Variants in SGCD observed in about 807,000 individuals in gnomAD.
SGCD encodes the protein sarcoglycan delta.
Under a neutral mutation model 36.6 loss-of-function variants are expected in SGCD, and 18 were observed. That is an observed-to-expected ratio of 0.49 (90% CI 0.34 to 0.73). The LOEUF (loss-of-function observed/expected upper bound fraction) is 0.73. SGCD is among the 30% of genes least tolerant of loss of function. The pLI is 0.01. For synonymous variants in SGCD, 133 were observed against 130.6 expected, an observed-to-expected ratio of 1.02 and a Z score of -0.12; for missense variants, 387 against 346.7, an observed-to-expected ratio of 1.12 and a Z score of -0.92.
intron 3 of SGCD, among the ~76,000 whole-genome samples, chr5:156,428,433 T>C (rs1190751402): frequency 6.6e-6 from 1 of 152,166 alleles, no homozygotes; most frequent in Non-Finnish European, 1.5e-5. Context: ...CTCTTTTCTT[T>C]TTTTAGTTAA....
intron 3 of SGCD, among the ~76,000 whole-genome samples, chr5:156,257,070 C>G (rs554807478): frequency 6.6e-6 from 1 of 152,056 alleles, no homozygotes; most frequent in South Asian, 2.1e-4. Context: ...GTCCTAGCTA[C>G]TCAGGAGGCT....
At chr5:156,285,483 T>C (rs902451747) in intron 3 of SGCD, among the ~76,000 whole-genome samples, 23 of 152,016 alleles carry the variant, frequency 1.5e-4, no homozygotes, top group Middle Eastern at 3.4e-3. Flanking sequence ...GAGATATAGA[T>C]CAATGGAACA....
At chr5:156,134,823 A>G (rs1331076347) in intron 3 of SGCD, among the ~76,000 whole-genome samples, 1 of 152,194 alleles carries the variant, frequency 6.6e-6, no homozygotes, top group Non-Finnish European at 1.5e-5. Flanking sequence ...GTGCACATGT[A>G]CCCTAGAACT....
At chr5:155,868,054 ATCT>A (rs1755554759), upstream of SGCD, among the ~76,000 whole-genome samples, 1 of 151,484 alleles carries the variant, frequency 6.6e-6, no homozygotes, top group South Asian at 2.1e-4. Context: ...ACTGAAGATG[ATCT>A]TTTTTTTTTT....
intron 3 of SGCD, among the ~76,000 whole-genome samples, chr5:156,440,275 A>G (rs1753426271): frequency 6.6e-6 from 1 of 152,132 alleles, no homozygotes; most frequent in Non-Finnish European, 1.5e-5. Context: ...AACATAGCCT[A>G]ATGTTTCATC....
intron 1 of SGCD, among the ~76,000 whole-genome samples, chr5:156,054,640 GATA>G (rs1191859621): frequency 6.8e-6 from 1 of 146,510 alleles, no homozygotes; most frequent in Non-Finnish European, 1.5e-5. Context: ...CAAAAGGCCA[GATA>G]ATGTTTATTT....
chr5:155,912,826 A>G (rs1756658740), intron 1 of SGCD, among the ~76,000 whole-genome samples: 1 of 151,006 alleles, frequency 6.6e-6, no homozygotes, highest in African/African-American at 2.4e-5. Flanking sequence ...CTAAATTTAT[A>G]TTTCTAGTTT....
intron 1 of SGCD, among the ~76,000 whole-genome samples, chr5:156,328,056 A>T (rs1161913710): frequency 1.3e-5 from 2 of 152,214 alleles, no homozygotes; most frequent in African/African-American, 4.8e-5. Context: ...GTTTTATTTT[A>T]CACCTTACTG....
chr5:156,123,357 T>C lies in SGCD; in HGVS notation c.-207-499T>C, dbSNP rs373020922. ...AAATTGGGAGGTTGAAAAGATGCAA[T>C]AGAGGTAGCCAAGATGGAGTGGCCA... On this transcript the variant is annotated intron_variant, in intron 2 of 9. Transcript: ENST00000517913. 5.9e-5 allele frequency among the ~76,000 whole-genome samples: 9 copies of C among 152,060 alleles called. No homozygotes were observed. The East Asian group carries it at 1.2e-3, about 20-fold the overall frequency.
chr5:155,881,484 A>G (rs1393294662), intron 1 of SGCD, among the ~76,000 whole-genome samples: 1 of 152,186 alleles, frequency 6.6e-6, no homozygotes, highest in Admixed American at 6.5e-5. Context: ...AAAAGATGCT[A>G]CCAATCATCG....
the SGCD span, among the ~76,000 whole-genome samples, chr5:155,806,275 C>G: frequency 2.0e-5 from 3 of 152,170 alleles, no homozygotes; most frequent in African/African-American, 7.2e-5. Flanking sequence ...CTGCCTTAGC[C>G]TCCCAAGTAG....
chr5:156,515,004 G>A (rs1757097147), intron 4 of SGCD, among the ~76,000 whole-genome samples: 2 of 152,084 alleles, frequency 1.3e-5, no homozygotes, highest in Non-Finnish European at 2.9e-5. Context: ...GATTTCATCC[G>A]ATGTTTGGAC....
chr5:156,598,547 A>C (rs888820112), intron 6 of SGCD, among the ~76,000 whole-genome samples: 2 of 152,182 alleles, frequency 1.3e-5, no homozygotes, highest in South Asian at 2.1e-4. Context: ...GTCTCAAAAA[A>C]CAAAAACAAA....
chr5:156,090,600 A>G (rs960578904), intron 1 of SGCD, among the ~76,000 whole-genome samples: 1 of 152,336 alleles, frequency 6.6e-6, no homozygotes, highest in South Asian at 2.1e-4. Flanking sequence ...TTGTCTTGAT[A>G]AACATCTTAA....
chr5:156,125,069 A>G (rs1376267197), intron 3 of SGCD, among the ~76,000 whole-genome samples: 3 of 152,186 alleles, frequency 2.0e-5, no homozygotes, highest in Non-Finnish European at 4.4e-5. Flanking sequence ...CACTGGGGAA[A>G]AGATGATTTT....
chr5:155,966,467 A>G (rs1057308554), intron 1 of SGCD, among the ~76,000 whole-genome samples: 2 of 152,176 alleles, frequency 1.3e-5, no homozygotes, highest in Non-Finnish European at 2.9e-5. Flanking sequence ...ATAGCACTTC[A>G]TAAATGCTAG....
At chr5:155,985,011 C>T (rs1758302392) in intron 1 of SGCD, among the ~76,000 whole-genome samples, 1 of 152,182 alleles carries the variant, frequency 6.6e-6, no homozygotes, top group Admixed American at 6.5e-5. Flanking sequence ...AAAATAGATA[C>T]TGGGTGGATG....
rs564119059 is a variant in SGCD at position 155,883,691 on chromosome 5, A to G, written c.-282+13267A>G. Among the ~76,000 whole-genome samples, 114 of 151,124 alleles carry G rather than the reference A, an allele frequency of 7.5e-4. 1 individual carries two copies. The highest frequency in any genetic ancestry group is 8.4e-4 in the South Asian group (4 of 4,772). ...TGAAAAAGCTTGAAGTATTTTGAGC[A>G]TTATCAATATGTGACACAGATAAAT... On this transcript the variant is annotated intron_variant, in intron 1 of 9. Coordinates refer to the SGCD transcript ENST00000517913.
At chr5:155,909,534 C>G (rs1756589065) in intron 1 of SGCD, among the ~76,000 whole-genome samples, 1 of 152,134 alleles carries the variant, frequency 6.6e-6, no homozygotes, top group Non-Finnish European at 1.5e-5. Flanking sequence ...CAGAATGCCA[C>G]TTCTAGGATG....
Sources: gnomAD v4.1 joint callset for allele counts (sites outside exome capture counted in the v4.1 genomes callset) on GRCh38, gnomAD v4.1.1 for gene constraint, MANE v1.5 for transcripts, NCBI Gene and HGNC (gene_info 2026-07-23, HGNC 2026-07-21) for gene names.